The following LEO1 variants were observed in gnomAD, a reference collection of about 807,000 sequenced individuals.
LEO1 encodes LEO1 component of Paf1/RNA polymerase II complex.
A neutral mutation model predicts 80.4 loss-of-function variants in LEO1; 34 were observed. That is an observed-to-expected ratio of 0.42 (90% CI 0.32 to 0.56). LEO1 has a LOEUF of 0.56. Among genes scored for constraint, LEO1 ranks in the 20% least tolerant of loss-of-function variants. The pLI is 0.10. For missense variants in LEO1, 631 were observed against 814.2 expected, an observed-to-expected ratio of 0.77 and a Z score of 2.74; for synonymous variants, 262 against 274.9, an observed-to-expected ratio of 0.95 and a Z score of 0.46.
At chr15:51,947,263 C>T (rs2056909459) in intron 11 of LEO1, 29 bp downstream of exon 11, 1 of 1,458,056 alleles carries the variant, frequency 6.9e-7, no homozygotes, top group Non-Finnish European at 9.6e-7. Context: ...ACAGGATAAA[C>T]CCCTAGAATT....
At chr15:51,961,026 A>G (rs1024511119) in intron 3 of LEO1, among the ~76,000 whole-genome samples, 6 of 152,146 alleles carry the variant, frequency 3.9e-5, no homozygotes, top group African/African-American at 9.7e-5. Flanking sequence ...CCTACAGTCT[A>G]GATGCTCAAA....
At chr15:51,947,246 C>T (rs557657843) in intron 11 of LEO1, 46 bp downstream of exon 11, 2 of 1,297,342 alleles carry the variant, frequency 1.5e-6, no homozygotes, top group South Asian at 2.4e-5. Flanking sequence ...GCAGTTGGCT[C>T]CTGAGTACAG....
intron 2 of LEO1, among the ~76,000 whole-genome samples, chr15:51,963,635 C>T (rs2057049581): frequency 6.6e-6 from 1 of 152,130 alleles, no homozygotes; most frequent in African/African-American, 2.4e-5. Context: ...GGCATGGTGG[C>T]TCTTGCCTGT....
At chr15:51,971,777 GGGCAGC>G (rs2057126729) in exon 1 of LEO1, 2 of 1,609,122 alleles carry the variant, frequency 1.2e-6, no homozygotes, top group African/African-American at 2.7e-5. Context: ...CCTCGGTTAG[GGGCAGC>G]TCCCGGCCTC....
At chr15:51,961,582 C>T (rs1159340908) in intron 3 of LEO1, among the ~76,000 whole-genome samples, 2 of 151,844 alleles carry the variant, frequency 1.3e-5, no homozygotes, top group Non-Finnish European at 2.9e-5. Context: ...TTAGTACAGA[C>T]AGGGCTTCAC....
rs374849668 is a variant in LEO1 at position 51,965,767 on chromosome 15, C to G, written c.796G>C (p.Glu266Gln). The change falls in exon 2 of 12, where the codon GAA becomes CAA. Residue 266 changes from glutamate (E) to glutamine (Q), a missense_variant. Transcript: ENST00000299601. ...EEHRHSDDEEEQDHKSESARG... is the reference protein window; with the variant it reads ...EEHRHSDDEEQQDHKSESARG... ...GTATTACCTGATTTATGATCCTGTT[C>G]CTCTTCATCATCTGAATGCCTGTGT... 27 of 1,608,488 alleles carry G rather than the reference C, an allele frequency of 1.7e-5. No individual in the cohort carries two copies. Among genetic ancestry groups the G allele is most frequent in the Non-Finnish European group, 2.2e-5 (26 of 1,177,892 alleles).
At chr15:51,950,662 G>A (rs968097972) in intron 9 of LEO1, among the ~76,000 whole-genome samples, 2 of 152,196 alleles carry the variant, frequency 1.3e-5, no homozygotes, top group African/African-American at 4.8e-5. Context: ...CCGTTGCTCT[G>A]TATTATCATA....
intron 11 of LEO1, chr15:51,947,005 C>T (rs991669736): frequency 7.4e-5 from 27 of 364,728 alleles, no homozygotes; most frequent in African/African-American, 5.0e-4. Flanking sequence ...TCCATCTATC[C>T]GGAGTGACCT....
intron 11 of LEO1, among the ~76,000 whole-genome samples, chr15:51,939,805 C>G (rs2056832749): frequency 6.6e-6 from 1 of 152,202 alleles, no homozygotes. Context: ...ACTAAAAGAA[C>G]TAGCATGGTA....
At chr15:51,969,987 GT>G (rs1211789432) in intron 1 of LEO1, among the ~76,000 whole-genome samples, 2 of 152,086 alleles carry the variant, frequency 1.3e-5, no homozygotes, top group African/African-American at 4.8e-5. Flanking sequence ...TGGCAAAGAT[GT>G]GGGGAAAGGG....
intron 11 of LEO1, among the ~76,000 whole-genome samples, chr15:51,940,421 C>T (rs568779278): frequency 1.8e-4 from 27 of 151,644 alleles, no homozygotes; most frequent in Admixed American, 1.5e-3. Context: ...ATTAGCCAGG[C>T]GTGATGGCGG....
Position 51,965,937 on chromosome 15 carries a change from T to A in LEO1, c.626A>T (p.Lys209Met), listed in dbSNP as rs1382669223. The A allele has an allele frequency of 6.2e-7, 1 of 1,613,964 alleles. No individual in the cohort carries two copies. The highest frequency in any genetic ancestry group is 8.5e-7 in the Non-Finnish European group (1 of 1,179,912). ...DERQQLSEEE[K>M]ANSDDERPVA... ...CGGCCGTTCATCATCAGAATTAGCC[T>A]TTTCCTCCTCAGATAGCTGTTGTCT... Residue 209 changes from lysine to methionine, a missense_variant, in exon 2 of 12, where the codon AAG becomes ATG. By Grantham distance (95) the Lys-to-Met change is moderately conservative (BLOSUM62 -1). Transcript: ENST00000299601.
chr15:51,968,065 G>A (rs1362384305), intron 1 of LEO1, among the ~76,000 whole-genome samples: 1 of 151,730 alleles, frequency 6.6e-6, no homozygotes, highest in Non-Finnish European at 1.5e-5. Context: ...ACGCCTGTGA[G>A]CCCACTACTT....
intron 1 of LEO1, among the ~76,000 whole-genome samples, chr15:51,970,741 A>T (rs1282756168): frequency 1.3e-5 from 2 of 152,182 alleles, no homozygotes; most frequent in Non-Finnish European, 2.9e-5. Context: ...GAAAATAACA[A>T]CTAGATATAT....
intron 6 of LEO1, chr15:51,954,921 T>C (rs1283948234): frequency 5.7e-6 from 1 of 174,312 alleles, no homozygotes; most frequent in Non-Finnish European, 1.2e-5. Context: ...CTTGAGTCCA[T>C]GTGAGGCAGA....
chr15:51,960,790 C>T, intron 3 of LEO1, 57 bp from the exon 4 acceptor site: 1 of 973,268 alleles, frequency 1.0e-6, no homozygotes, highest in Non-Finnish European at 1.7e-6. Flanking sequence ...AGGTTCTTCA[C>T]AGCTGATCAC....
chr15:51,952,046 C>A (rs764964070), intron 8 of LEO1, 67 bp from the exon 9 acceptor site: 7 of 1,447,270 alleles, frequency 4.8e-6, no homozygotes, highest in Non-Finnish European at 6.6e-6. Flanking sequence ...GTGATACCCA[C>A]GTCACAGAAG....
At chr15:51,958,952 A>G (rs2057009815) in intron 5 of LEO1, 126 bp from the exon 6 acceptor site, 2 of 523,778 alleles carry the variant, frequency 3.8e-6, no homozygotes, top group Non-Finnish European at 6.7e-6. Flanking sequence ...AAAAATCATA[A>G]TGATCAATAT....
intron 9 of LEO1, among the ~76,000 whole-genome samples, chr15:51,951,603 G>A (rs757564506): frequency 4.6e-5 from 7 of 152,096 alleles, no homozygotes; most frequent in African/African-American, 1.4e-4. Context: ...TTCAATCACC[G>A]GTTTGTTGCT....
Sources: gnomAD v4.1 joint callset for allele counts (sites outside exome capture counted in the v4.1 genomes callset) on GRCh38, gnomAD v4.1.1 for gene constraint, MANE v1.5 for transcripts, NCBI Gene and HGNC (gene_info 2026-07-23, HGNC 2026-07-21) for gene names.